CDH2: variants seen among roughly 807,000 people sequenced by gnomAD.
CDH2 encodes the protein cadherin 2.
CDH2 carries 17 observed loss-of-function variants against 92.0 expected under a neutral mutation model. The ratio of observed to expected loss-of-function variants is 0.18; its 90% CI spans 0.13 to 0.28. The LOEUF (loss-of-function observed/expected upper bound fraction) is 0.28. Ranked by LOEUF, CDH2 falls within the 10% of genes least tolerant of loss-of-function variation. The pLI is 1.00. For missense variants in CDH2, 862 were observed against 1,133.1 expected, an observed-to-expected ratio of 0.76 and a Z score of 3.44; for synonymous variants, 419 against 415.9, an observed-to-expected ratio of 1.01 and a Z score of -0.09.
intron 2 of CDH2, among the ~76,000 whole-genome samples, chr18:28,093,157 T>A (rs1461753192): frequency 6.6e-6 from 1 of 152,126 alleles, no homozygotes; most frequent in Non-Finnish European, 1.5e-5. Flanking sequence ...ATACAATTGA[T>A]GACTATGTGA....
chr18:28,157,568 T>C (rs1349900396), intron 1 of CDH2, among the ~76,000 whole-genome samples: 1 of 152,174 alleles, frequency 6.6e-6, no homozygotes, highest in Non-Finnish European at 1.5e-5. Context: ...GGGATTACCC[T>C]TAACCCAACC....
chr18:28,019,834 G>A (rs1262067506), intron 2 of CDH2, among the ~76,000 whole-genome samples: 1 of 152,066 alleles, frequency 6.6e-6, no homozygotes, highest in South Asian at 2.1e-4. Flanking sequence ...ATGGAATGTG[G>A]TGTATTACAC....
rs188057646 is a variant in CDH2, at chr18:28,022,107, G to C, written c.173-8198C>G. 1.7e-3 allele frequency among the ~76,000 whole-genome samples: 262 copies of C among 151,918 alleles called. 4 individuals carry two copies. The highest frequency in any genetic ancestry group is 6.1e-3 in the African/African-American group (252 of 41,488). ...CAATGGAGAATGGTCACCACATAAC[G>C]AATTTGCTCATAAATCTGAAAAAAA... On this transcript the variant is annotated intron_variant, in intron 2 of 15. Transcript: ENST00000269141.
intron 15 of CDH2, among the ~76,000 whole-genome samples, chr18:27,962,277 T>G (rs1031297507): frequency 5.3e-5 from 8 of 152,200 alleles, no homozygotes; most frequent in African/African-American, 1.9e-4. Context: ...AAATTAACCT[T>G]ATTACCTATT....
chr18:28,176,085 G>C (rs1398296578), intron 1 of CDH2, among the ~76,000 whole-genome samples: 3 of 152,192 alleles, frequency 2.0e-5, no homozygotes, highest in Non-Finnish European at 4.4e-5. Flanking sequence ...GCCCGGACTG[G>C]AGCAGGTGCT....
At chr18:28,060,280 A>T (rs2014376826) in intron 2 of CDH2, among the ~76,000 whole-genome samples, 1 of 152,098 alleles carries the variant, frequency 6.6e-6, no homozygotes, top group South Asian at 2.1e-4. Flanking sequence ...TCTGCCTCCC[A>T]GGTTCAAGCA....
chr18:28,030,532 G>A (rs117305086), intron 2 of CDH2, among the ~76,000 whole-genome samples: 3,793 of 151,998 alleles, frequency 0.025, 78 homozygotes, highest in Non-Finnish European at 0.041. Context: ...ACCTGGCCAG[G>A]ATCAAAAACA....
At chr18:28,064,996 C>T (rs17535776) in intron 2 of CDH2, among the ~76,000 whole-genome samples, 1 of 152,094 alleles carries the variant, frequency 6.6e-6, no homozygotes, top group South Asian at 2.1e-4. Flanking sequence ...TTTTCCCTTT[C>T]CTTCCCCAAA....
At chr18:28,045,011 A>C (rs546899333) in intron 2 of CDH2, among the ~76,000 whole-genome samples, 1 of 152,180 alleles carries the variant, frequency 6.6e-6, no homozygotes, top group South Asian at 2.1e-4. Flanking sequence ...GCTACATGAA[A>C]TTTTCAGGTA....
chr18:28,065,856 A>C (rs1294507169), intron 2 of CDH2, among the ~76,000 whole-genome samples: 1 of 152,190 alleles, frequency 6.6e-6, no homozygotes, highest in Non-Finnish European at 1.5e-5. Context: ...TATTGGCAAC[A>C]CCAAACTTAA....
chr18:27,954,910 C>T (rs1436703217), intron 15 of CDH2, among the ~76,000 whole-genome samples: 1 of 152,142 alleles, frequency 6.6e-6, no homozygotes, highest in African/African-American at 2.4e-5. Flanking sequence ...CTAGCAACTG[C>T]AAATTTAACC....
chr18:28,001,407 G>A (rs971078047), intron 7 of CDH2, among the ~76,000 whole-genome samples: 3 of 152,154 alleles, frequency 2.0e-5, no homozygotes, highest in Admixed American at 2.0e-4. Flanking sequence ...ATGACAATGT[G>A]AATGAAAGAG....
chr18:28,026,942 A>G (rs1272654736), intron 2 of CDH2, among the ~76,000 whole-genome samples: 1 of 152,164 alleles, frequency 6.6e-6, no homozygotes, highest in Admixed American at 6.5e-5. Flanking sequence ...CAGCAGGTAG[A>G]AGGGACACAT....
intron 7 of CDH2, among the ~76,000 whole-genome samples, chr18:27,994,657 C>T (rs556736535): frequency 6.6e-6 from 1 of 152,136 alleles, no homozygotes; most frequent in Non-Finnish European, 1.5e-5. Context: ...TAAACTGTCA[C>T]TGCAAAGTGC....
In CDH2 at chr18:27,974,174, C is replaced by A. The variant is rs182020896; in HGVS notation, c.2349+8770G>T. On this transcript the variant is annotated intron_variant, in intron 14 of 15. Transcript: ENST00000269141. ...CTTAGAAAATCACCTCCTCTTTGTACAAACCTGTTTTTGTTAATCTAAGAC... is the reference window on the plus strand; with the variant it reads ...CTTAGAAAATCACCTCCTCTTTGTAAAAACCTGTTTTTGTTAATCTAAGAC... 1.7e-3 allele frequency among the ~76,000 whole-genome samples: 261 copies of A among 152,252 alleles called. 1 individual carries two copies. Among genetic ancestry groups the A allele is most frequent in the Non-Finnish European group, 2.1e-3 (146 of 68,020 alleles).
chr18:27,949,655 G>T (rs1439806724), downstream of CDH2, among the ~76,000 whole-genome samples: 1 of 151,918 alleles, frequency 6.6e-6, no homozygotes, highest in African/African-American at 2.4e-5. Context: ...ATGGACATGT[G>T]TGTGTAAAAA....
chr18:28,003,657 A>C (rs903367194), intron 6 of CDH2, among the ~76,000 whole-genome samples: 2 of 152,058 alleles, frequency 1.3e-5, no homozygotes, highest in Non-Finnish European at 2.9e-5. Flanking sequence ...AAAGCAGCAC[A>C]CTCCATTTCC....
intron 2 of CDH2, among the ~76,000 whole-genome samples, chr18:28,114,109 A>T (rs1405806903): frequency 6.6e-6 from 1 of 152,086 alleles, no homozygotes. Flanking sequence ...AATTACGACT[A>T]TATAGGAGGA....
intron 2 of CDH2, among the ~76,000 whole-genome samples, chr18:28,048,467 G>A (rs888733827): frequency 3.9e-5 from 6 of 152,140 alleles, no homozygotes; most frequent in East Asian, 1.9e-4. Context: ...TCACAAGGGC[G>A]ATAAATAATG....
Sources: allele counts gnomAD v4.1 joint callset (sites outside exome capture counted in the v4.1 genomes callset), GRCh38; gene constraint gnomAD v4.1.1; transcripts MANE v1.5; gene names NCBI Gene and HGNC (gene_info 2026-07-23, HGNC 2026-07-21).